The following CAPN2 variants were observed in gnomAD, a reference collection of about 807,000 sequenced individuals.
CAPN2 encodes the protein calpain 2, also known as calpain-2 catalytic subunit.
CAPN2 carries 92 observed loss-of-function variants against 102.3 expected under a neutral mutation model. The observed-to-expected ratio is 0.90, with a 90% confidence interval of 0.76 to 1.07. CAPN2 has a LOEUF of 1.07. Ranked by LOEUF, CAPN2 falls within the 50% of genes least tolerant of loss-of-function variation. The pLI is 0.00. For missense variants in CAPN2, 800 were observed against 909.4 expected (o/e 0.88, Z 1.55); for synonymous variants, 340 against 355.4 (o/e 0.96, Z 0.49).
At chr1:223,729,469 C>T (rs1449542946) in intron 2 of CAPN2, among the ~76,000 whole-genome samples, 1 of 152,118 alleles carries the variant, frequency 6.6e-6, no homozygotes, top group Admixed American at 6.5e-5. Context: ...TATGAGTGAC[C>T]AAAGCCTGTG....
chr1:223,772,376 G>T, intron 20 of CAPN2, 137 bp downstream of exon 20: 1 of 652,042 alleles, frequency 1.5e-6, no homozygotes. Context: ...CCTGTAACCG[G>T]TTGTAAGATC....
chr1:223,759,209 AATG>A lies in CAPN2; in HGVS notation c.1318-58_1318-56del. The A allele has an allele frequency of 6.8e-7, 1 of 1,474,220 alleles. No individual in the cohort carries two copies. The allele number at this position is 1,474,220 out of a possible 1,614,324, so 91.3% of individuals were successfully genotyped here. A position where few individuals can be genotyped will look rare whatever the true frequency, so the allele number is the denominator to read the frequency against. ...AACTGCTTTTATCTCAGTGAATGAA[AATG>A]ATACTTGCCTGGAGGCTTCCCCTCA... On this transcript the variant is annotated intron_variant, in intron 11 of 20. Coordinates refer to ENST00000295006, the MANE Select transcript of CAPN2 (RefSeq NM_001748.5). This position sits in a 1 kb window ranked among gnomAD's most constrained non-coding sequence, Gnocchi z 4.6.
At chr1:223,714,856 T>C (rs1435017269) in intron 1 of CAPN2, among the ~76,000 whole-genome samples, 1 of 152,204 alleles carries the variant, frequency 6.6e-6, no homozygotes, top group African/African-American at 2.4e-5. Flanking sequence ...CCCCAACAGT[T>C]GGAAATGCCT....
intron 2 of CAPN2, among the ~76,000 whole-genome samples, chr1:223,741,762 A>C (rs1189984765): frequency 6.7e-6 from 1 of 149,500 alleles, no homozygotes; most frequent in Admixed American, 6.6e-5. Flanking sequence ...GGCCTCTTTT[A>C]TCTTTTTCTT....
rs752203334 is a variant in CAPN2, at chr1:223,759,329, G to A, written c.1377G>A (p.Arg459=). The change falls in exon 12 of 21, where the codon AGG becomes AGA. Residue 459 remains arginine (R), a synonymous_variant. Coordinates refer to ENST00000295006, the MANE Select transcript of CAPN2 (RefSeq NM_001748.5). The surrounding 1 kb of genome is among the most constrained non-coding windows in gnomAD (Gnocchi z 4.6). ...ACTTCTTCCTGACGAATCGCGCCAG[G>A]GAGCGCTCAGACACCTTCATCAACC... ...SKNFFLTNRA[R]ERSDTFINLR... 1 of 1,614,074 alleles carries A rather than the reference G, an allele frequency of 6.2e-7. No individual in the cohort carries two copies. The highest frequency in any genetic ancestry group is 1.3e-5 in the African/African-American group (1 of 74,914).
chr1:223,725,515 G>A lies in CAPN2; in HGVS notation c.307+7684G>A, dbSNP rs1006062386. 6.6e-6 allele frequency among the ~76,000 whole-genome samples: 1 copy of A among 152,180 alleles called. No homozygotes were observed. The highest frequency in any genetic ancestry group is 1.5e-5 in the Non-Finnish European group (1 of 68,032). ...CATGCAGATTGCACGTTCTCTTTGG[G>A]GACAGTACAGCTGGAGGGGAGTACT... On this transcript the variant is annotated intron_variant, in intron 2 of 20. Transcript: ENST00000295006. The surrounding 1 kb of genome is among the most constrained non-coding windows in gnomAD (Gnocchi z 4.1).
rs575052813 is a variant in CAPN2, at chr1:223,721,197, C to T, written c.307+3366C>T. 6.6e-5 allele frequency among the ~76,000 whole-genome samples: 10 copies of T among 152,346 alleles called. No homozygotes were observed. In the South Asian group the frequency reaches 8.3e-4, roughly 13 times the overall value. ...GAATATAGTTGTGTAAGAATTGATT[C>T]AGCAGAGAAAAATCTGCCCTTCTGG... On this transcript the variant is annotated intron_variant, in intron 2 of 20. Transcript: ENST00000295006.
chr1:223,727,576 C>T lies in CAPN2; in HGVS notation c.307+9745C>T, dbSNP rs987175152. Reference sequence around the variant, plus strand: ...GGGGAGCCTGGTGCAAGGGAGTGGCCGGATGGGAGGTAGGAATAGCAGTGG... The same window carrying T: ...GGGGAGCCTGGTGCAAGGGAGTGGCTGGATGGGAGGTAGGAATAGCAGTGG... On this transcript the variant is annotated intron_variant, in intron 2 of 20. Coordinates refer to ENST00000295006, the MANE Select transcript of CAPN2 (RefSeq NM_001748.5). The surrounding 1 kb of genome is among the most constrained non-coding windows in gnomAD (Gnocchi z 4.1). Among the ~76,000 whole-genome samples, 1 of 152,038 alleles carries T rather than the reference C, an allele frequency of 6.6e-6. No homozygotes were observed. Among genetic ancestry groups the T allele is most frequent in the African/African-American group, 2.4e-5 (1 of 41,382 alleles).
intron 2 of CAPN2, among the ~76,000 whole-genome samples, chr1:223,730,272 G>A (rs557096929): frequency 2.6e-5 from 4 of 151,496 alleles, no homozygotes; most frequent in African/African-American, 9.7e-5. Flanking sequence ...TCCAACCCTC[G>A]TGCTGCCCAG....
At chr1:223,720,009 A>T (rs1489947405) in intron 2 of CAPN2, among the ~76,000 whole-genome samples, 1 of 152,160 alleles carries the variant, frequency 6.6e-6, no homozygotes, top group Non-Finnish European at 1.5e-5. Flanking sequence ...CAACAGCCTC[A>T]CAAGCACCAG....
rs1482257861 is a variant in CAPN2 at position 223,759,703 on chromosome 1, G to C, written c.1529+222G>C. The stretch of plus-strand genomic sequence containing the variant: ...AAGCCACTGTGGATATTTTTGGTTG[G>C]AAAGGGGTGGCTGTACAGTGAATTG... On this transcript the variant is annotated intron_variant, in intron 12 of 20. Transcript: ENST00000295006. This position sits in a 1 kb window ranked among gnomAD's most constrained non-coding sequence, Gnocchi z 4.6. 1.3e-5 allele frequency among the ~76,000 whole-genome samples: 2 copies of C among 152,198 alleles called. No homozygotes were observed. Among genetic ancestry groups the C allele is most frequent in the Non-Finnish European group, 2.9e-5 (2 of 68,038 alleles).
chr1:223,732,792 G>A (rs1391472332), intron 2 of CAPN2, among the ~76,000 whole-genome samples: 3 of 152,044 alleles, frequency 2.0e-5, no homozygotes, highest in African/African-American at 7.2e-5. Flanking sequence ...CTACAGGTGG[G>A]GACGTTAGCA....
intron 17 of CAPN2, chr1:223,770,182 C>T (rs955180248): frequency 1.7e-6 from 1 of 577,082 alleles, no homozygotes. Context: ...GGGTTTTTGA[C>T]AGCTAAAGTA....
intron 2 of CAPN2, among the ~76,000 whole-genome samples, chr1:223,735,464 G>A (rs1660430988): frequency 6.6e-6 from 1 of 151,664 alleles, no homozygotes; most frequent in African/African-American, 2.4e-5. Flanking sequence ...GGAAGCAGAG[G>A]TTGCAGTGAG....
chr1:223,752,863 C>G lies in CAPN2; in HGVS notation c.1042C>G (p.Leu348Val), dbSNP rs761319924. Reference protein sequence around the residue: ...LEICNLTPDTLTSDTYKKWKL... With the variant: ...LEICNLTPDTVTSDTYKKWKL... ...GATCTGTAACCTGACCCCAGACACT[C>G]TCACCAGCGATACCTACAAGAAGTG... The change falls in exon 9 of 21, where the codon CTC becomes GTC. Residue 348 changes from leucine (L) to valine (V), a missense_variant. Leu to Val is a conservative substitution (Grantham distance 32). Transcript: ENST00000295006. 4 of 1,614,144 alleles carry G rather than the reference C, an allele frequency of 2.5e-6. No individual in the cohort carries two copies. The highest frequency in any genetic ancestry group is 3.4e-6 in the Non-Finnish European group (4 of 1,179,976).
At chr1:223,733,362 A>C (rs963485464) in intron 2 of CAPN2, among the ~76,000 whole-genome samples, 3 of 151,810 alleles carry the variant, frequency 2.0e-5, no homozygotes, top group African/African-American at 7.3e-5. Context: ...GCTGCATCCC[A>C]CCCCCCAGGA....
intron 14 of CAPN2, among the ~76,000 whole-genome samples, chr1:223,763,743 T>C (rs1179923830): frequency 6.6e-6 from 1 of 152,106 alleles, no homozygotes; most frequent in Non-Finnish European, 1.5e-5. Flanking sequence ...AGCAAAGAAA[T>C]GGTGAGTGAA....
chr1:223,702,023 A>G (rs1258826920), intron 1 of CAPN2, among the ~76,000 whole-genome samples: 8 of 46,230 alleles, frequency 1.7e-4, no homozygotes, highest in African/African-American at 2.2e-4. Flanking sequence ...AAAAAAAGAG[A>G]GGGAAGGAAG....
chr1:223,707,936 G>A (rs966643907), upstream of CAPN2, among the ~76,000 whole-genome samples: 4 of 152,370 alleles, frequency 2.6e-5, no homozygotes, highest in South Asian at 4.1e-4. Flanking sequence ...AGAAGCCTGC[G>A]CTCTGCCCCA....
Sources: allele counts gnomAD v4.1 joint callset (sites outside exome capture counted in the v4.1 genomes callset), GRCh38; gene constraint gnomAD v4.1.1; non-coding constraint Gnocchi (gnomAD v3.1); transcripts MANE v1.5; gene names NCBI Gene and HGNC (gene_info 2026-07-23, HGNC 2026-07-21).